Variants in ZNF385D observed in about 807,000 individuals in gnomAD.
The protein encoded by ZNF385D is zinc finger protein 385D, also known as zinc finger protein 659.
In ZNF385D, 15 loss-of-function variants were observed where a neutral mutation model predicts 35.8. The observed-to-expected ratio is 0.42, with a 90% CI of 0.28 to 0.64. The LOEUF is 0.64. Ranked by LOEUF, ZNF385D falls within the 30% of genes least tolerant of loss-of-function variation. The pLI is 0.23. For synonymous variants in ZNF385D, 212 were observed against 186.8 expected (o/e 1.13, Z -1.10); for missense variants, 474 against 494.6 (o/e 0.96, Z 0.39).
intron 4 of ZNF385D, among the ~76,000 whole-genome samples, chr3:21,482,767 G>T (rs1264411114): frequency 6.6e-6 from 1 of 152,038 alleles, no homozygotes; most frequent in Non-Finnish European, 1.5e-5. Flanking sequence ...TTCTACCATG[G>T]TACTCTTCTG....
intron 3 of ZNF385D, among the ~76,000 whole-genome samples, chr3:21,542,589 C>G (rs927162117): frequency 2.0e-5 from 3 of 152,102 alleles, no homozygotes; most frequent in Non-Finnish European, 4.4e-5. Flanking sequence ...TGCCAGTGAT[C>G]CTCTTACTTC....
chr3:21,651,044 C>A (rs527538012), intron 2 of ZNF385D, among the ~76,000 whole-genome samples: 1 of 151,638 alleles, frequency 6.6e-6, no homozygotes, highest in African/African-American at 2.4e-5. Context: ...CTTTGGGAGG[C>A]TGAGGCGGGC....
intron 3 of ZNF385D, chr3:21,942,766 G>T (rs1701583045): frequency 6.6e-6 from 1 of 152,084 alleles, no homozygotes; most frequent in African/African-American, 2.4e-5. Flanking sequence ...AAGATGTAGG[G>T]GAAGAAAAGA....
At chr3:22,235,705 C>T (rs1486900643) in intron 2 of ZNF385D, among the ~76,000 whole-genome samples, 2 of 151,986 alleles carry the variant, frequency 1.3e-5, no homozygotes, top group African/African-American at 2.4e-5. Context: ...AACTGAAAAT[C>T]AAAATACTTT....
chr3:22,109,992 C>T (rs1344223494), intron 3 of ZNF385D, among the ~76,000 whole-genome samples: 1 of 152,110 alleles, frequency 6.6e-6, no homozygotes, highest in Admixed American at 6.5e-5. Context: ...TGAACAGACA[C>T]CTCTCAAAAG....
chr3:22,164,646 T>C (rs1220143179), intron 3 of ZNF385D, among the ~76,000 whole-genome samples: 1 of 151,972 alleles, frequency 6.6e-6, no homozygotes, highest in Non-Finnish European at 1.5e-5. Flanking sequence ...TTATAGTTTT[T>C]CTTCCTGGAA....
chr3:21,563,047 A>G (rs1487877169), intron 3 of ZNF385D, among the ~76,000 whole-genome samples: 4 of 152,198 alleles, frequency 2.6e-5, no homozygotes, highest in Non-Finnish European at 4.4e-5. Context: ...GATTATTTGT[A>G]TACCTGGAAA....
At chr3:21,455,755 A>C (rs1415409466) in intron 4 of ZNF385D, among the ~76,000 whole-genome samples, 1 of 152,204 alleles carries the variant, frequency 6.6e-6, no homozygotes, top group African/African-American at 2.4e-5. Context: ...TAATTAAACT[A>C]AAGAGCTTCT....
chr3:21,467,644 G>C (rs111877596), intron 4 of ZNF385D, among the ~76,000 whole-genome samples: 6 of 152,156 alleles, frequency 3.9e-5, no homozygotes, highest in African/African-American at 1.4e-4. Flanking sequence ...TATTTCCCTG[G>C]TAACTCAATA....
chr3:22,267,251 T>TAC (rs1700944256), intron 2 of ZNF385D, among the ~76,000 whole-genome samples: 1 of 151,916 alleles, frequency 6.6e-6, no homozygotes, highest in Non-Finnish European at 1.5e-5. Flanking sequence ...ATAAATAACA[T>TAC]ACAGAGTATA....
In ZNF385D at chr3:22,145,049, T is replaced by C. The variant is rs114988516; in HGVS notation, c.325+23768A>G. On this transcript the variant is annotated intron_variant, in intron 3 of 5. Transcript: ENST00000494108. ...GTGTGTGTGTGTGTGTAGTCACAAT[T>C]AGTTATCAGTGATACTACATACTTA... Among the ~76,000 whole-genome samples the C allele has an allele frequency of 5.8e-3, 874 of 151,462 alleles. 5 individuals are homozygous for C. The highest frequency in any genetic ancestry group is 0.019 in the African/African-American group (769 of 41,232).
chr3:21,553,853 T>C (rs2062644030), intron 3 of ZNF385D, among the ~76,000 whole-genome samples: 1 of 152,142 alleles, frequency 6.6e-6, no homozygotes, highest in South Asian at 2.1e-4. Flanking sequence ...ATCTCCTCCA[T>C]GAAAGGAGGA....
chr3:21,837,273 T>A (rs1380977445), intron 3 of ZNF385D, among the ~76,000 whole-genome samples: 4 of 152,102 alleles, frequency 2.6e-5, no homozygotes, highest in Admixed American at 2.6e-4. Context: ...CATTCAAAAT[T>A]TAGTGTCTTC....
At position 21,415,671 on chromosome 3, in the gene ZNF385D, T is replaced by G. The variant is rs1453138353; in HGVS notation, c.*5543A>C. On this transcript the variant is annotated 3_prime_UTR_variant, in exon 8 of 8. Coordinates refer to ENST00000281523, the MANE Select transcript of ZNF385D (RefSeq NM_024697.3). The stretch of plus-strand genomic sequence containing the variant: ...CTTATTTTTAATTATACTTCTTTGC[T>G]CACAAATCATTTTAGCCCTAATCTT... 6.6e-6 allele frequency: 1 copy of G among 152,140 alleles called. No homozygotes were observed. The highest frequency in any genetic ancestry group is 1.5e-5 in the Non-Finnish European group (1 of 68,008). The allele number at this position is 152,140 out of a possible 1,614,324, so 9.4% of individuals were successfully genotyped here. A position where few individuals can be genotyped will look rare whatever the true frequency, so the allele number is the denominator to read the frequency against.
intron 1 of ZNF385D, among the ~76,000 whole-genome samples, chr3:21,706,824 A>C (rs1421892566): frequency 1.8e-5 from 1 of 55,166 alleles, no homozygotes; most frequent in Non-Finnish European, 4.7e-5. Flanking sequence ...TGATAGATAG[A>C]TAGATAGATA....
rs150796560 is a variant in ZNF385D at position 21,867,722 on chromosome 3, A to G, written c.326-202694T>C. Among the ~76,000 whole-genome samples the G allele has an allele frequency of 9.3e-3, 1,297 of 139,398 alleles. 19 individuals carry two copies. The highest frequency in any genetic ancestry group is 0.032 in the African/African-American group (1,176 of 37,308). 91.5% of individuals were successfully genotyped at this position (139,398 alleles called of 152,430 possible). ...TTCAATGTCTCAATGCCAAGAGGCA[A>G]TATGTTTTAGTAGGAAAAGTAAAAA... On this transcript the variant is annotated intron_variant, in intron 3 of 5. Coordinates refer to the ZNF385D transcript ENST00000494108.
At chr3:21,731,536 A>G (rs2068994378) in intron 1 of ZNF385D, among the ~76,000 whole-genome samples, 1 of 152,202 alleles carries the variant, frequency 6.6e-6, no homozygotes, top group Non-Finnish European at 1.5e-5. Context: ...GTACGTTAAC[A>G]TTAAGGTTCA....
chr3:21,904,190 GC>G (rs1187519905), intron 3 of ZNF385D, among the ~76,000 whole-genome samples: 2 of 151,044 alleles, frequency 1.3e-5, no homozygotes, highest in Admixed American at 6.6e-5. Context: ...TGTAATCCCA[GC>G]TACTCTGGAG....
chr3:21,503,654 A>T (rs1207095822), intron 4 of ZNF385D, among the ~76,000 whole-genome samples: 1 of 152,174 alleles, frequency 6.6e-6, no homozygotes, highest in African/African-American at 2.4e-5. Flanking sequence ...CAGGAAATAA[A>T]AGAATCCAGA....
Sources: gnomAD v4.1 joint callset for allele counts (sites outside exome capture counted in the v4.1 genomes callset) on GRCh38, gnomAD v4.1.1 for gene constraint, MANE v1.5 for transcripts, NCBI Gene and HGNC (gene_info 2026-07-23, HGNC 2026-07-21) for gene names.